The following RBBP8 variants were observed in gnomAD, a reference collection of about 807,000 sequenced individuals.
The protein encoded by RBBP8 is DNA endonuclease RBBP8.
In RBBP8, 88 loss-of-function variants were observed where a neutral mutation model predicts 108.3. That is an observed-to-expected ratio of 0.81 (90% CI 0.68 to 0.97). The LOEUF is 0.97. Ranked by LOEUF, RBBP8 falls within the 50% of genes least tolerant of loss-of-function variation. RBBP8 has a pLI of 0.00. For synonymous variants in RBBP8, 332 were observed against 348.2 expected (o/e 0.95, Z 0.52); for missense variants, 1,023 against 1,049.0 (o/e 0.98, Z 0.34).
chr18:22,974,630 T>G (rs919597031), intron 5 of RBBP8, among the ~76,000 whole-genome samples: 1 of 152,180 alleles, frequency 6.6e-6, no homozygotes, highest in African/African-American at 2.4e-5. Flanking sequence ...CGGCTGATTT[T>G]TGTGTTTTTA....
chr18:22,914,483 G>C (rs914514530), intron 1 of RBBP8, among the ~76,000 whole-genome samples: 1 of 152,114 alleles, frequency 6.6e-6, no homozygotes, highest in Non-Finnish European at 1.5e-5. Context: ...TTTGCATAAA[G>C]GTTATTTGGT....
intron 16 of RBBP8, among the ~76,000 whole-genome samples, chr18:23,016,247 T>A (rs544333063): frequency 3.3e-5 from 5 of 152,260 alleles, no homozygotes; most frequent in Middle Eastern, 3.4e-3. Context: ...GATTTTTTTT[T>A]TATATTTCTG....
intron 4 of RBBP8, among the ~76,000 whole-genome samples, chr18:22,956,785 A>G (rs1912591571): frequency 6.6e-6 from 1 of 152,194 alleles, no homozygotes; most frequent in Admixed American, 6.5e-5. Context: ...TCTAAGTTCT[A>G]ATTTTATGTG....
At chr18:22,973,848 AT>A (rs1296035023) in intron 5 of RBBP8, among the ~76,000 whole-genome samples, 8 of 152,114 alleles carry the variant, frequency 5.3e-5, no homozygotes, top group African/African-American at 1.9e-4. Context: ...CTCCTTGGAA[AT>A]TTCCTTAGTA....
At position 23,011,454 on chromosome 18, in the gene RBBP8, T is replaced by TC. The variant is rs397744493; in HGVS notation, c.2357+5023dup. On this transcript the variant is annotated intron_variant, in intron 16 of 18. Coordinates refer to ENST00000327155, the MANE Select transcript of RBBP8 (RefSeq NM_002894.3). ...CTTTGATGCTATTTTTTTTTTTTTT[T>TC]CGAGACAGAGTCTCGCTCTGTCGCC... 1.5e-4 allele frequency among the ~76,000 whole-genome samples: 22 copies of TC among 151,280 alleles called. No individual in the cohort carries two copies. In the South Asian group the frequency reaches 1.5e-3, roughly 10 times the overall value.
In RBBP8 at chr18:23,009,525, T is replaced by A. The variant is rs181907054; in HGVS notation, c.2357+3093T>A. On this transcript the variant is annotated intron_variant, in intron 16 of 18. Transcript: ENST00000327155. Reference sequence around the variant, plus strand: ...AAAAGTACATAAAGTATAATGTATTTTATATATATATATATAAAATGTATA... The same window carrying A: ...AAAAGTACATAAAGTATAATGTATTATATATATATATATATAAAATGTATA... Among the ~76,000 whole-genome samples, 453 of 148,216 alleles carry A rather than the reference T, an allele frequency of 3.1e-3. 1 individual carries two copies. Among genetic ancestry groups the A allele is most frequent in the Admixed American group, 4.9e-3 (72 of 14,770 alleles).
At chr18:22,980,965 CTTTTT>C (rs1167377654) in intron 6 of RBBP8, among the ~76,000 whole-genome samples, 16 of 69,498 alleles carry the variant, frequency 2.3e-4, no homozygotes, top group East Asian at 6.3e-4. Flanking sequence ...CCACTTATGT[CTTTTT>C]TTTTTTTTTT....
intron 1 of RBBP8, among the ~76,000 whole-genome samples, chr18:22,934,555 G>A (rs1351280838): frequency 6.6e-6 from 1 of 151,484 alleles, no homozygotes; most frequent in East Asian, 1.9e-4. Flanking sequence ...TAAGTTCTAG[G>A]GTACATATGC....
intron 15 of RBBP8, among the ~76,000 whole-genome samples, chr18:23,005,143 A>G (rs2046018829): frequency 6.6e-6 from 1 of 152,106 alleles, no homozygotes; most frequent in Non-Finnish European, 1.5e-5. Flanking sequence ...AACCTAGGCA[A>G]CAGAGCAAGA....
chr18:22,962,458 C>G (rs1913184186), intron 4 of RBBP8, among the ~76,000 whole-genome samples: 2 of 152,246 alleles, frequency 1.3e-5, no homozygotes, highest in South Asian at 4.1e-4. Flanking sequence ...CTTCAATAGC[C>G]TATTTAAAAT....
At chr18:23,003,127 C>G (rs1031395583) in intron 15 of RBBP8, among the ~76,000 whole-genome samples, 2 of 152,168 alleles carry the variant, frequency 1.3e-5, no homozygotes, top group Non-Finnish European at 2.9e-5. Context: ...ACTCTTTCTT[C>G]CTCACAACTT....
At chr18:22,978,896 A>T (rs1914687573) in intron 6 of RBBP8, among the ~76,000 whole-genome samples, 1 of 152,232 alleles carries the variant, frequency 6.6e-6, no homozygotes, top group South Asian at 2.1e-4. Flanking sequence ...AGCTTGATTT[A>T]ATCATTCTAC....
Position 22,946,427 on chromosome 18 carries a change from T to C in RBBP8, c.110-17T>C. 6.2e-7 allele frequency: 1 copy of C among 1,611,892 alleles called. No homozygotes were observed. Among genetic ancestry groups the C allele is most frequent in the Non-Finnish European group, 8.5e-7 (1 of 1,178,870 alleles). The stretch of plus-strand genomic sequence containing the variant: ...GGAACTGTTGTAGAAGTAATACCTT[T>C]TCTTTTTACTTTTCAGGTTTACAAG... On this transcript the variant is annotated splice_polypyrimidine_tract_variant and intron_variant, in intron 2 of 18. Transcript: ENST00000327155.
At chr18:22,970,911 A>G (rs1439458556) in intron 5 of RBBP8, among the ~76,000 whole-genome samples, 1 of 152,178 alleles carries the variant, frequency 6.6e-6, no homozygotes, top group East Asian at 1.9e-4. Flanking sequence ...GGCTTTCTCT[A>G]TCCCCAAGAA....
chr18:22,948,406 G>A (rs1272570081), intron 3 of RBBP8, among the ~76,000 whole-genome samples: 1 of 151,926 alleles, frequency 6.6e-6, no homozygotes, highest in Non-Finnish European at 1.5e-5. Flanking sequence ...TTTGTTAAAT[G>A]AGAAATGGCC....
intron 4 of RBBP8, among the ~76,000 whole-genome samples, chr18:22,961,073 TTTTG>T: frequency 6.6e-6 from 1 of 152,328 alleles, no homozygotes; most frequent in Middle Eastern, 3.4e-3. Flanking sequence ...ACCTAATCAT[TTTTG>T]TTTGTTTAAT....
At chr18:22,994,800 T>C (rs2045825873) in intron 12 of RBBP8, among the ~76,000 whole-genome samples, 1 of 152,012 alleles carries the variant, frequency 6.6e-6, no homozygotes, top group South Asian at 2.1e-4. Flanking sequence ...CACGGCTCAC[T>C]TGCAGCCTTG....
intron 4 of RBBP8, among the ~76,000 whole-genome samples, chr18:22,951,466 G>GA (rs904320747): frequency 2.0e-5 from 3 of 151,162 alleles, no homozygotes; most frequent in Admixed American, 1.3e-4. Flanking sequence ...GATCTGTGTA[G>GA]AAAAAAAAAC....
intron 18 of RBBP8, 132 bp from the exon 19 acceptor site, chr18:23,026,011 A>G: frequency 4.0e-6 from 3 of 753,962 alleles, no homozygotes; most frequent in African/African-American, 1.7e-5. Context: ...AATCATCAGC[A>G]TCACACAGCT....
Sources: gnomAD v4.1 joint callset for allele counts (sites outside exome capture counted in the v4.1 genomes callset) on GRCh38, gnomAD v4.1.1 for gene constraint, MANE v1.5 for transcripts, NCBI Gene and HGNC (gene_info 2026-07-23, HGNC 2026-07-21) for gene names.